Variants in PLXNC1 observed in about 807,000 individuals in gnomAD.
PLXNC1 encodes plexin-C1.
A neutral mutation model predicts 178.2 loss-of-function variants in PLXNC1; 75 were observed. The ratio of observed to expected loss-of-function variants is 0.42; its 90% CI spans 0.35 to 0.51. The LOEUF is 0.51. Ranked by LOEUF, PLXNC1 falls within the 20% of genes least tolerant of loss-of-function variation. The pLI, the probability that PLXNC1 is intolerant of heterozygous loss-of-function variation, is 0.02. For missense variants in PLXNC1, 1,503 were observed against 1,984.4 expected (o/e 0.76, Z 4.61); for synonymous variants, 790 against 779.9 (o/e 1.01, Z -0.22).
chr12:94,194,388 G>T (rs1962839135), intron 4 of PLXNC1, among the ~76,000 whole-genome samples: 1 of 152,168 alleles, frequency 6.6e-6, no homozygotes, highest in Non-Finnish European at 1.5e-5. Flanking sequence ...TGGGCTTTGT[G>T]TGACCTGCCA....
intron 11 of PLXNC1, among the ~76,000 whole-genome samples, chr12:94,242,592 A>ATTTT (rs1264590553): frequency 3.3e-5 from 5 of 152,088 alleles, no homozygotes; most frequent in African/African-American, 1.2e-4. Flanking sequence ...TTCAACATAC[A>ATTTT]TTTTATGGGG....
At chr12:94,272,082 C>A (rs539113699) in intron 21 of PLXNC1, 1 of 152,304 alleles carries the variant, frequency 6.6e-6, no homozygotes, top group Non-Finnish European at 1.5e-5. Context: ...CCTTTCCAGC[C>A]TGGCCCTCTT....
intron 21 of PLXNC1, among the ~76,000 whole-genome samples, chr12:94,267,976 CTG>C (rs1301057038): frequency 6.6e-6 from 1 of 152,134 alleles, no homozygotes; most frequent in African/African-American, 2.4e-5. Context: ...CAAACTGATT[CTG>C]TGTGTCCTTG....
intron 3 of PLXNC1, among the ~76,000 whole-genome samples, chr12:94,182,084 T>C (rs1375912811): frequency 6.6e-6 from 1 of 152,146 alleles, no homozygotes; most frequent in East Asian, 1.9e-4. Context: ...AAAAGTAATA[T>C]ATTTTTATAT....
At chr12:94,215,590 A>ATAGATAGC (rs1423554569) in intron 5 of PLXNC1, among the ~76,000 whole-genome samples, 1 of 150,986 alleles carries the variant, frequency 6.6e-6, no homozygotes, top group Non-Finnish European at 1.5e-5. Context: ...AGATAGATAG[A>ATAGATAGC]TATCAAAAAT....
chr12:94,172,704 T>C lies in PLXNC1; in HGVS notation c.1203+3411T>C, dbSNP rs76152013. ...TATTGCAAACCCTTTGTAAAAAGTA[T>C]TTTTAAATAACTATATCATATTCTA... On this transcript the variant is annotated intron_variant, in intron 2 of 30. Coordinates refer to ENST00000258526, the MANE Select transcript of PLXNC1 (RefSeq NM_005761.3). Among the ~76,000 whole-genome samples, 810 of 152,326 alleles carry C rather than the reference T, an allele frequency of 5.3e-3. 7 individuals are homozygous for C. Among genetic ancestry groups the C allele is most frequent in the African/African-American group, 0.018 (757 of 41,570 alleles).
chr12:94,251,513 G>A lies in PLXNC1; in HGVS notation c.2866G>A (p.Val956Met). Residue 956 changes from valine (V) to methionine (M), a missense_variant, in exon 15 of 31, where the codon GTG (valine) becomes ATG (methionine). Transcript: ENST00000258526. Reference sequence around the variant, plus strand: ...TCTGATTGTGCTCCCTGTCTTGCTAGTGATTGTCATTTTTGGTAAGTGCCC... The same window carrying A: ...TCTGATTGTGCTCCCTGTCTTGCTAATGATTGTCATTTTTGGTAAGTGCCC... Reference protein sequence around the residue: ...YFLIVLPVLLVIVIFAAVGVT... With the variant: ...YFLIVLPVLLMIVIFAAVGVT... 6.2e-7 allele frequency: 1 copy of A among 1,607,024 alleles called. No individual in the cohort carries two copies. Among genetic ancestry groups the A allele is most frequent in the Non-Finnish European group, 8.5e-7 (1 of 1,173,470 alleles).
At chr12:94,209,357 A>G (rs1963396649) in intron 4 of PLXNC1, among the ~76,000 whole-genome samples, 2 of 151,946 alleles carry the variant, frequency 1.3e-5, no homozygotes, top group South Asian at 4.1e-4. Flanking sequence ...TGTTGTCTAC[A>G]TTTGTTCTTT....
chr12:94,238,196 C>A (rs1964292072), intron 10 of PLXNC1, among the ~76,000 whole-genome samples: 1 of 152,174 alleles, frequency 6.6e-6, no homozygotes, highest in Non-Finnish European at 1.5e-5. Flanking sequence ...AGCAGCTCTT[C>A]CAGTGTGCCA....
At chr12:94,169,358 A>T (rs1046963141) in intron 2 of PLXNC1, 65 bp downstream of exon 2, 26 of 1,327,820 alleles carry the variant, frequency 2.0e-5, no homozygotes, top group Middle Eastern at 1.8e-4. Flanking sequence ...TTAAAAAAAC[A>T]TTTTTTTAAT....
intron 2 of PLXNC1, among the ~76,000 whole-genome samples, chr12:94,175,259 T>C (rs967994860): frequency 2.0e-5 from 3 of 152,166 alleles, no homozygotes; most frequent in Non-Finnish European, 4.4e-5. Flanking sequence ...TAATAATAAA[T>C]GAAAGGGTTG....
At chr12:94,191,331 C>T (rs1027012552) in intron 4 of PLXNC1, among the ~76,000 whole-genome samples, 2 of 152,204 alleles carry the variant, frequency 1.3e-5, no homozygotes, top group African/African-American at 2.4e-5. Context: ...AATGGTAGAG[C>T]ATCCCACTGT....
rs568990052 is a variant in PLXNC1 at position 94,226,013 on chromosome 12, C to A, written c.1791-592C>A. 5.9e-5 allele frequency among the ~76,000 whole-genome samples: 9 copies of A among 152,366 alleles called. No individual in the cohort carries two copies. The East Asian group carries it at 1.2e-3, about 20-fold the overall frequency. On this transcript the variant is annotated intron_variant, in intron 7 of 30. Transcript: ENST00000258526. ...TCCCTTGGCCCTGTTTCCAGATCAACCCTGATTTCCCTTTTTAACATTCCT... is the reference window on the plus strand; with the variant it reads ...TCCCTTGGCCCTGTTTCCAGATCAAACCTGATTTCCCTTTTTAACATTCCT...
chr12:94,289,190 A>G (rs1326082089), intron 23 of PLXNC1, among the ~76,000 whole-genome samples: 1 of 152,104 alleles, frequency 6.6e-6, no homozygotes, highest in East Asian at 1.9e-4. Flanking sequence ...GGTTTGGAGG[A>G]TGTGTAGCTC....
intron 1 of PLXNC1, among the ~76,000 whole-genome samples, chr12:94,159,897 T>C (rs959470230): frequency 6.6e-6 from 1 of 152,196 alleles, no homozygotes; most frequent in African/African-American, 2.4e-5. Context: ...TTGCAATCAT[T>C]CAACTGAGGG....
chr12:94,201,903 A>G (rs562614997), intron 4 of PLXNC1, among the ~76,000 whole-genome samples: 45 of 151,480 alleles, frequency 3.0e-4, no homozygotes, highest in Non-Finnish European at 5.3e-4. Context: ...AGTAGCTGGG[A>G]TTACAGGAAT....
intron 21 of PLXNC1, among the ~76,000 whole-genome samples, chr12:94,276,704 C>A (rs910803233): frequency 2.6e-5 from 4 of 152,152 alleles, no homozygotes; most frequent in African/African-American, 9.7e-5. Flanking sequence ...GGAGAGGGCT[C>A]GGGTGTGAGG....
intron 9 of PLXNC1, among the ~76,000 whole-genome samples, chr12:94,230,663 C>A (rs1964074112): frequency 6.6e-6 from 1 of 152,234 alleles, no homozygotes; most frequent in South Asian, 2.1e-4. Context: ...CTTTCATTAT[C>A]AGGTGGAATG....
chr12:94,285,317 G>C (rs1023786245), intron 23 of PLXNC1, among the ~76,000 whole-genome samples: 87 of 152,204 alleles, frequency 5.7e-4, no homozygotes, highest in African/African-American at 1.9e-3. Flanking sequence ...GACTGTTCCC[G>C]AGCAGAGCTT....
Sources: gnomAD v4.1 joint callset for allele counts (sites outside exome capture counted in the v4.1 genomes callset) on GRCh38, gnomAD v4.1.1 for gene constraint, MANE v1.5 for transcripts, NCBI Gene and HGNC (gene_info 2026-07-23, HGNC 2026-07-21) for gene names.